ROBO2: variants seen among roughly 807,000 people sequenced by gnomAD.
ROBO2 encodes roundabout homolog 2.
Under a neutral mutation model 160.8 loss-of-function variants are expected in ROBO2, and 53 were observed. The observed-to-expected ratio is 0.33, with a 90% CI of 0.26 to 0.41. ROBO2 has a LOEUF of 0.41. Ranked by LOEUF, ROBO2 falls within the 10% of genes least tolerant of loss-of-function variation. The probability of loss-of-function intolerance (pLI) is 1.00; values close to 1 mark genes in which losing one functional copy is unlikely to be tolerated. For synonymous variants in ROBO2, 664 were observed against 611.7 expected (o/e 1.09, Z -1.26); for missense variants, 1,577 against 1,722.4 (o/e 0.92, Z 1.49).
At chr3:77,647,553 A>C (rs944246974) in exon 26 of ROBO2, 1 of 152,198 alleles carries the variant, frequency 6.6e-6, no homozygotes, top group Non-Finnish European at 1.5e-5. Context: ...TTTGACAACA[A>C]GAAGTTCCTG....
intron 2 of ROBO2, among the ~76,000 whole-genome samples, chr3:77,445,400 G>T (rs562965709): frequency 2.0e-5 from 3 of 152,004 alleles, no homozygotes; most frequent in African/African-American, 7.2e-5. Context: ...TGTAATATGG[G>T]TATGTCACTC....
chr3:77,567,832 C>A (rs1036829547), intron 12 of ROBO2, among the ~76,000 whole-genome samples: 3 of 152,006 alleles, frequency 2.0e-5, no homozygotes, highest in Non-Finnish European at 4.4e-5. Flanking sequence ...TGAAGTAGGT[C>A]AAGAAGAAAA....
chr3:76,855,309 G>A (rs1230732560), intron 2 of ROBO2, among the ~76,000 whole-genome samples: 1 of 152,110 alleles, frequency 6.6e-6, no homozygotes, highest in Non-Finnish European at 1.5e-5. Flanking sequence ...TTCAAGGAGT[G>A]GGGCAGAGAT....
chr3:77,413,286 A>G (rs754281285), intron 2 of ROBO2, among the ~76,000 whole-genome samples: 7 of 152,144 alleles, frequency 4.6e-5, no homozygotes, highest in Non-Finnish European at 7.4e-5. Context: ...GGGACAGAAA[A>G]TGTTCTAGAA....
At chr3:76,513,518 G>A (rs2081203361) in intron 2 of ROBO2, among the ~76,000 whole-genome samples, 1 of 152,064 alleles carries the variant, frequency 6.6e-6, no homozygotes, top group Admixed American at 6.6e-5. Context: ...ACCACGCCTG[G>A]CGTGGCCTCC....
intron 2 of ROBO2, among the ~76,000 whole-genome samples, chr3:76,470,716 TAGAA>T (rs1212753906): frequency 2.6e-5 from 4 of 152,156 alleles, no homozygotes; most frequent in Non-Finnish European, 5.9e-5. Flanking sequence ...TCATATTTAA[TAGAA>T]AGAAACTCTA....
intron 2 of ROBO2, among the ~76,000 whole-genome samples, chr3:76,217,480 T>C (rs1575931388): frequency 1.3e-5 from 2 of 152,074 alleles, no homozygotes; most frequent in African/African-American, 4.8e-5. Flanking sequence ...ACAAAGGTGA[T>C]ATCACCACCG....
intron 2 of ROBO2, among the ~76,000 whole-genome samples, chr3:76,800,502 A>G (rs141540018): frequency 6.6e-6 from 1 of 152,352 alleles, no homozygotes; most frequent in African/African-American, 2.4e-5. Context: ...AGAATATATA[A>G]GGAGCTCAAA....
intron 2 of ROBO2, among the ~76,000 whole-genome samples, chr3:77,266,578 G>A (rs1455616090): frequency 6.6e-6 from 1 of 152,060 alleles, no homozygotes; most frequent in African/African-American, 2.4e-5. Context: ...GTCTCACCAT[G>A]CTCCTCCATC....
intron 2 of ROBO2, among the ~76,000 whole-genome samples, chr3:76,825,603 C>CAAAAAA (rs201063990): frequency 0.03 from 2,132 of 72,224 alleles, 141 homozygotes; most frequent in East Asian, 0.084. Flanking sequence ...TCATCTTAGC[C>CAAAAAA]AAAAAAAAAA....
intron 2 of ROBO2, among the ~76,000 whole-genome samples, chr3:76,683,607 T>C (rs960226505): frequency 6.6e-6 from 1 of 152,168 alleles, no homozygotes; most frequent in Non-Finnish European, 1.5e-5. Context: ...ACATCTTCTA[T>C]AATCTCATGT....
At chr3:77,455,967 T>C (rs1222021630) in intron 2 of ROBO2, among the ~76,000 whole-genome samples, 1 of 152,100 alleles carries the variant, frequency 6.6e-6, no homozygotes, top group Non-Finnish European at 1.5e-5. Flanking sequence ...AATGTTTATT[T>C]CCCTTTCTCT....
At chr3:77,305,849 C>T (rs1481908963) in intron 2 of ROBO2, among the ~76,000 whole-genome samples, 1 of 152,160 alleles carries the variant, frequency 6.6e-6, no homozygotes, top group East Asian at 1.9e-4. Flanking sequence ...AGCTTTCTAA[C>T]ATTTGAACAA....
exon 26 of ROBO2, chr3:77,649,646 T>C (rs1182272462): frequency 6.6e-6 from 1 of 152,178 alleles, no homozygotes; most frequent in Non-Finnish European, 1.5e-5. Context: ...TGAAACACCA[T>C]ACTTTTTTCT....
At chr3:76,850,893 G>T (rs1047430355) in intron 2 of ROBO2, among the ~76,000 whole-genome samples, 1 of 152,138 alleles carries the variant, frequency 6.6e-6, no homozygotes, top group Admixed American at 6.5e-5. Context: ...AAGTGTCTCT[G>T]CAACAAGAAC....
chr3:76,080,341 A>C (rs1455804571), intron 2 of ROBO2, among the ~76,000 whole-genome samples: 2 of 152,236 alleles, frequency 1.3e-5, no homozygotes, highest in Non-Finnish European at 2.9e-5. Context: ...TTTATAATTC[A>C]GTCCTAAAGT....
At chr3:77,167,051 A>C (rs890569601) in intron 2 of ROBO2, among the ~76,000 whole-genome samples, 3 of 152,188 alleles carry the variant, frequency 2.0e-5, no homozygotes, top group African/African-American at 7.2e-5. Flanking sequence ...TCATTATACT[A>C]TCAGTTTAAA....
chr3:76,306,896 A>G (rs760381427), intron 2 of ROBO2, among the ~76,000 whole-genome samples: 1 of 152,160 alleles, frequency 6.6e-6, no homozygotes, highest in Non-Finnish European at 1.5e-5. Flanking sequence ...TGTATATTTA[A>G]GCGGTTTTTC....
chr3:76,979,665 T>C (rs1256234374), intron 2 of ROBO2, among the ~76,000 whole-genome samples: 1 of 150,948 alleles, frequency 6.6e-6, no homozygotes, highest in African/African-American at 2.4e-5. Context: ...AGACACTCAG[T>C]AGTGGGGTAG....
Sources: gnomAD v4.1 joint callset for allele counts (sites outside exome capture counted in the v4.1 genomes callset) on GRCh38, gnomAD v4.1.1 for gene constraint, MANE v1.5 for transcripts, NCBI Gene and HGNC (gene_info 2026-07-23, HGNC 2026-07-21) for gene names.